ARID4A: variants seen among roughly 807,000 people sequenced by gnomAD.
The protein encoded by ARID4A is AT-rich interactive domain-containing protein 4A.
Under a neutral mutation model 148.6 loss-of-function variants are expected in ARID4A, and 39 were observed. That is an observed-to-expected ratio of 0.26 (90% CI 0.20 to 0.34). The LOEUF is 0.34. Ranked by LOEUF, ARID4A falls within the 10% of genes least tolerant of loss-of-function variation. ARID4A has a pLI of 1.00. For synonymous variants in ARID4A, 475 were observed against 481.2 expected (o/e 0.99, Z 0.17); for missense variants, 1,265 against 1,449.1 (o/e 0.87, Z 2.06).
intron 20 of ARID4A, 51 bp from the exon 21 acceptor site, chr14:58,365,467 C>CTTTTTTTTTTTT (rs71107938): frequency 2.3e-5 from 8 of 351,572 alleles, no homozygotes; most frequent in Admixed American, 6.6e-5. Context: ...TATACTTGCT[C>CTTTTTTTTTTTT]TTTTTTTTTT....
At position 58,328,082 on chromosome 14, in the gene ARID4A, A is replaced by T. The variant is rs75756700; in HGVS notation, c.583-155A>T. 4.3e-4 allele frequency among the ~76,000 whole-genome samples: 65 copies of T among 152,342 alleles called. No homozygotes were observed. In the East Asian group the frequency reaches 7.7e-3, roughly 18 times the overall value. On this transcript the variant is annotated intron_variant, in intron 8 of 23. Transcript: ENST00000355431. ...TATAAGGGTATATTTTTTTGTATGC[A>T]ATTCATTAATAATAGGAGCTATTTA... is the stretch of plus-strand genomic sequence containing the variant.
intron 3 of ARID4A, 83 bp downstream of exon 3, chr14:58,301,773 A>G: frequency 1.1e-6 from 1 of 952,244 alleles, no homozygotes. Flanking sequence ...TCAGCATTTT[A>G]TTGAGTCATT....
chr14:58,356,300 T>C (rs1167182342), intron 17 of ARID4A, among the ~76,000 whole-genome samples: 1 of 152,240 alleles, frequency 6.6e-6, no homozygotes, highest in Non-Finnish European at 1.5e-5. Context: ...TATCCCTTTG[T>C]TAGCCCTGGA....
At chr14:58,327,614 C>T (rs999744905) in intron 8 of ARID4A, among the ~76,000 whole-genome samples, 2 of 151,644 alleles carry the variant, frequency 1.3e-5, no homozygotes, top group Admixed American at 1.3e-4. Flanking sequence ...ATTTTTTGGA[C>T]AATAATTTAG....
intron 5 of ARID4A, among the ~76,000 whole-genome samples, chr14:58,316,331 A>C (rs1301297896): frequency 6.6e-6 from 1 of 152,192 alleles, no homozygotes; most frequent in African/African-American, 2.4e-5. Context: ...TATGGATGTT[A>C]AGTGTCTGAA....
chr14:58,316,872 G>C (rs146758504), intron 5 of ARID4A, among the ~76,000 whole-genome samples: 2 of 149,446 alleles, frequency 1.3e-5, no homozygotes, highest in South Asian at 2.3e-4. Flanking sequence ...GAGTCACCGC[G>C]CCCGGCCAAG....
intron 11 of ARID4A, among the ~76,000 whole-genome samples, chr14:58,336,447 A>G (rs2033819107): frequency 6.6e-6 from 1 of 152,210 alleles, no homozygotes; most frequent in South Asian, 2.1e-4. Flanking sequence ...TGCCAGACTT[A>G]CTATTTGTTT....
chr14:58,368,433 G>T (rs1404369703), intron 23 of ARID4A, among the ~76,000 whole-genome samples: 1 of 152,088 alleles, frequency 6.6e-6, no homozygotes, highest in African/African-American at 2.4e-5. Flanking sequence ...AAGCCCTGAT[G>T]CTCATATACA....
intron 15 of ARID4A, among the ~76,000 whole-genome samples, chr14:58,348,847 TGTG>T (rs1362180608): frequency 6.6e-6 from 1 of 152,200 alleles, no homozygotes; most frequent in African/African-American, 2.4e-5. Context: ...TTTTTAAAAT[TGTG>T]GTAAGTACAT....
rs762695660 is a variant in ARID4A, at chr14:58,366,123, G to A, written c.3416G>A (p.Arg1139Gln). The change falls in exon 22 of 24, where the codon CGA (arginine) becomes CAA (glutamine). Residue 1139 changes from arginine (R) to glutamine (Q), a missense_variant. By Grantham distance (43) the Arg-to-Gln change is conservative. This residue lies in a region of ARID4A where 666 missense variants were observed against 730.9 expected (regional missense o/e 0.91). Transcript: ENST00000355431. ...LNVSKPQKLA[R>Q]SPARISPHIK... ...GTATCTAAGCCACAGAAACTTGCAC[G>A]ATCTCCTGCAAGAATATCCCCGCAC... is the stretch of plus-strand genomic sequence containing the variant. 4.3e-6 allele frequency: 7 copies of A among 1,613,640 alleles called. No homozygotes were observed. The highest frequency in any genetic ancestry group is 1.7e-5 in the Admixed American group (1 of 59,984).
intron 16 of ARID4A, among the ~76,000 whole-genome samples, chr14:58,352,589 T>C (rs2034687637): frequency 6.6e-6 from 1 of 152,138 alleles, no homozygotes; most frequent in Admixed American, 6.5e-5. Context: ...TTTAAGTAGT[T>C]TTTCTCATAG....
chr14:58,330,257 T>G, intron 11 of ARID4A, 88 bp downstream of exon 11: 1 of 1,493,752 alleles, frequency 6.7e-7, no homozygotes, highest in South Asian at 1.3e-5. Context: ...TCTGTTTAGA[T>G]TCTCTATTAT....
At chr14:58,361,163 C>G in intron 19 of ARID4A, 121 bp downstream of exon 19, 1 of 1,398,456 alleles carries the variant, frequency 7.2e-7, no homozygotes, top group South Asian at 1.5e-5. Flanking sequence ...AATAAAACTT[C>G]CATTGTGTGA....
chr14:58,354,770 TAATA>T (rs1313270619), intron 17 of ARID4A, among the ~76,000 whole-genome samples: 5 of 152,082 alleles, frequency 3.3e-5, no homozygotes, highest in Non-Finnish European at 7.3e-5. Context: ...TTGGTTTTCG[TAATA>T]AATCTTATCT....
rs567435251 is a variant in ARID4A at position 58,335,558 on chromosome 14, G to A, written c.906+5389G>A. ...AAACTCCCAACCTCAGGTGATCCGC[G>A]CATCTCAGCCTCCCAAAGTGCTGGG... On this transcript the variant is annotated intron_variant, in intron 11 of 23. Coordinates refer to ENST00000355431, the MANE Select transcript of ARID4A (RefSeq NM_002892.4). Among the ~76,000 whole-genome samples the A allele has an allele frequency of 1.5e-3, 228 of 151,942 alleles. 2 individuals carry two copies. Among genetic ancestry groups the A allele is most frequent in the Non-Finnish European group, 6.0e-4 (41 of 67,948 alleles).
chr14:58,341,484 G>C (rs1181998132), intron 11 of ARID4A, among the ~76,000 whole-genome samples: 1 of 152,140 alleles, frequency 6.6e-6, no homozygotes, highest in Non-Finnish European at 1.5e-5. Context: ...TCCCTCACTT[G>C]CTCCTCCTGT....
intron 23 of ARID4A, among the ~76,000 whole-genome samples, chr14:58,367,689 T>C (rs1199806649): frequency 6.6e-6 from 1 of 152,198 alleles, no homozygotes; most frequent in Non-Finnish European, 1.5e-5. Flanking sequence ...TAGGATTGAC[T>C]TCCAGTTAAA....
At position 58,299,781 on chromosome 14, in the gene ARID4A, T is replaced by C; in HGVS notation, c.-57-17T>C. On this transcript the variant is annotated splice_polypyrimidine_tract_variant and intron_variant, in intron 1 of 23. Transcript: ENST00000355431. ...TTGACTGATTATGTCTGTGCCTGTC[T>C]TTCCCCCTCCCCATAGTTCTAGCGA... The C allele has an allele frequency of 6.2e-7, 1 of 1,608,144 alleles. No individual in the cohort carries two copies. Among genetic ancestry groups the C allele is most frequent in the South Asian group, 1.1e-5 (1 of 90,878 alleles).
At chr14:58,309,005 A>G (rs1264300854) in intron 5 of ARID4A, among the ~76,000 whole-genome samples, 1 of 152,186 alleles carries the variant, frequency 6.6e-6, no homozygotes, top group Non-Finnish European at 1.5e-5. Flanking sequence ...ACAGGTATCA[A>G]TTTCCCTTCT....
Sources: gnomAD v4.1 joint callset for allele counts (sites outside exome capture counted in the v4.1 genomes callset) on GRCh38, gnomAD v4.1.1 for gene constraint, gnomAD v4.1.1 regional missense constraint, MANE v1.5 for transcripts, NCBI Gene and HGNC (gene_info 2026-07-23, HGNC 2026-07-21) for gene names.